ATP6V0D1: variants seen among roughly 807,000 people sequenced by gnomAD.
ATP6V0D1 encodes ATPase H+ transporting V0 subunit d1, also known as V-type proton ATPase subunit d 1.
ATP6V0D1 carries 13 observed loss-of-function variants against 39.0 expected under a neutral mutation model. That is an observed-to-expected ratio of 0.33 (90% confidence interval 0.22 to 0.53). The LOEUF is 0.53. Among genes scored for constraint, ATP6V0D1 ranks in the 20% least tolerant of loss-of-function variants. The pLI, the probability that ATP6V0D1 is intolerant of heterozygous loss-of-function variation, is 0.94. For synonymous variants in ATP6V0D1, 191 were observed against 191.2 expected (o/e 1.00, Z 0.01); for missense variants, 272 against 470.9 (o/e 0.58, Z 3.91).
chr16:67,473,775 G>A (rs1239575341), intron 1 of ATP6V0D1, among the ~76,000 whole-genome samples: 3 of 151,988 alleles, frequency 2.0e-5, no homozygotes, highest in South Asian at 2.1e-4. Context: ...TGCCCACCTC[G>A]GCCTCCCAAA....
At chr16:67,470,308 C>T (rs940931355) in intron 1 of ATP6V0D1, among the ~76,000 whole-genome samples, 5 of 152,136 alleles carry the variant, frequency 3.3e-5, no homozygotes, top group Admixed American at 6.5e-5. Flanking sequence ...ATCCTTCTAC[C>T]AACTTTTTGG....
intron 1 of ATP6V0D1, among the ~76,000 whole-genome samples, chr16:67,473,482 G>A (rs2041391342): frequency 6.6e-6 from 1 of 151,990 alleles, no homozygotes; most frequent in Admixed American, 6.6e-5. Flanking sequence ...CCAGGTAGCT[G>A]AGGTTACAGG....
chr16:67,460,353 G>A lies in ATP6V0D1; in HGVS notation c.131-6638C>T, dbSNP rs147777999. 2.1e-3 allele frequency among the ~76,000 whole-genome samples: 316 copies of A among 152,280 alleles called. 2 individuals are homozygous for A. Among genetic ancestry groups the A allele is most frequent in the Admixed American group, 3.3e-3 (51 of 15,300 alleles). On this transcript the variant is annotated intron_variant, in intron 1 of 7. Coordinates refer to ENST00000290949, the MANE Select transcript of ATP6V0D1 (RefSeq NM_004691.5). ...TGCCCCTCCTCGGTGAATGTGCTGC[G>A]CCTGACCTCCTCCCTAGGCTCAGGA...
At chr16:67,465,824 T>C (rs865820951) in intron 1 of ATP6V0D1, among the ~76,000 whole-genome samples, 3 of 152,172 alleles carry the variant, frequency 2.0e-5, no homozygotes, top group Middle Eastern at 6.8e-3. Flanking sequence ...GAAGGCCAAC[T>C]GAGACTTAAG....
chr16:67,478,760 G>A (rs989943395), intron 1 of ATP6V0D1, among the ~76,000 whole-genome samples: 2 of 152,086 alleles, frequency 1.3e-5, no homozygotes, highest in African/African-American at 2.4e-5. Context: ...AGTGTTATAG[G>A]AAAAATGTGT....
chr16:67,451,423 G>A (rs1052223253), intron 2 of ATP6V0D1, among the ~76,000 whole-genome samples: 4 of 152,318 alleles, frequency 2.6e-5, no homozygotes, highest in East Asian at 1.9e-4. Context: ...TCTGGAACCC[G>A]TGTCCCACAA....
intron 1 of ATP6V0D1, among the ~76,000 whole-genome samples, chr16:67,469,169 G>A (rs187395870): frequency 4.8e-4 from 73 of 152,286 alleles, no homozygotes; most frequent in African/African-American, 1.6e-3. Flanking sequence ...TTAGCCAGGC[G>A]TGGTGGCACA....
intron 2 of ATP6V0D1, chr16:67,452,534 AT>A: frequency 1.3e-6 from 1 of 783,540 alleles, no homozygotes; most frequent in South Asian, 1.5e-5. Flanking sequence ...GGGCACCATA[AT>A]CAAGGAATGG....
rs913499936 is a variant in ATP6V0D1 at position 67,452,540 on chromosome 16, G to A, written c.302+1004C>T. The A allele has an allele frequency of 7.5e-5, 58 of 771,630 alleles. 1 individual carries two copies. In the African/African-American group the frequency reaches 8.9e-4, roughly 12 times the overall value. The allele number at this position is 771,630 out of a possible 1,614,324, so 47.8% of individuals were successfully genotyped here. ...AAAGAGTGGGGGCACCATAATCAAG[G>A]AATGGTAAAAGTTAGACAATACCCA... On this transcript the variant is annotated intron_variant, in intron 2 of 7. Transcript: ENST00000290949.
At chr16:67,477,178 T>C (rs191384176) in intron 1 of ATP6V0D1, among the ~76,000 whole-genome samples, 1 of 151,786 alleles carries the variant, frequency 6.6e-6, no homozygotes, top group Admixed American at 6.6e-5. Flanking sequence ...TTCAACTATA[T>C]GTCAGAGATG....
rs780680599 is a variant in ATP6V0D1 at position 67,453,537 on chromosome 16, C to G, written c.302+7G>C. On this transcript the variant is annotated splice_region_variant and intron_variant, in intron 2 of 7. Transcript: ENST00000290949. The surrounding 1 kb of genome is among the most constrained non-coding windows in gnomAD (Gnocchi z 4.1). ...TAAGAGAAGAAGGCGCTACAAAGCACACTCACGTAATGAAGTCTAGGAAGC... is the reference window on the plus strand; with the variant it reads ...TAAGAGAAGAAGGCGCTACAAAGCAGACTCACGTAATGAAGTCTAGGAAGC... The G allele has an allele frequency of 1.2e-6, 2 of 1,613,952 alleles. No individual in the cohort carries two copies. The highest frequency in any genetic ancestry group is 1.1e-5 in the South Asian group (1 of 91,068).
chr16:67,455,458 T>G (rs1262174297), intron 1 of ATP6V0D1: 2 of 152,176 alleles, frequency 1.3e-5, no homozygotes, highest in African/African-American at 4.8e-5. Flanking sequence ...GGGGGGCTGG[T>G]AGCAGGCCAC....
At chr16:67,452,504 G>T in intron 2 of ATP6V0D1, 1 of 1,073,702 alleles carries the variant, frequency 9.3e-7, no homozygotes. Context: ...AGGTGTGCCA[G>T]GTCCCAAGGA....
intron 1 of ATP6V0D1, chr16:67,454,555 TTTTGTTTG>T (rs373931265): frequency 6.6e-6 from 1 of 151,642 alleles, no homozygotes; most frequent in African/African-American, 2.4e-5. Flanking sequence ...TGTTTTTGTT[TTTTGTTTG>T]TTTGTTTTTT....
chr16:67,459,456 C>T lies in ATP6V0D1; in HGVS notation c.131-5741G>A, dbSNP rs368496534. 7.9e-5 allele frequency among the ~76,000 whole-genome samples: 12 copies of T among 152,326 alleles called. No individual in the cohort carries two copies. In the East Asian group the frequency reaches 1.9e-3, roughly 25 times the overall value. The stretch of plus-strand genomic sequence containing the variant: ...TGGCATGGCTGCCCCTCTCAGGGGT[C>T]GCCAGGCTGCACCAGACTCAGGCTG... On this transcript the variant is annotated intron_variant, in intron 1 of 7. Transcript: ENST00000290949.
At chr16:67,463,849 AGCCAGTGCTGT>A (rs1470174411) in intron 1 of ATP6V0D1, among the ~76,000 whole-genome samples, 1 of 151,244 alleles carries the variant, frequency 6.6e-6, no homozygotes, top group African/African-American at 2.4e-5. Flanking sequence ...TGCCAGAGTG[AGCCAGTGCTGT>A]GGACCTGGGC....
rs1012980573 is a variant in ATP6V0D1, at chr16:67,447,216, C to T, written c.303-2510G>A. Among the ~76,000 whole-genome samples the T allele has an allele frequency of 1.3e-5, 2 of 152,244 alleles. No homozygotes were observed. The highest frequency in any genetic ancestry group is 1.3e-4 in the Admixed American group (2 of 15,294). ...CTCTTCAAACCCAAGCCAGGCCAAT[C>T]GTGGGCGATCCTGTGCCAGGCCCAG... On this transcript the variant is annotated intron_variant, in intron 2 of 7. Coordinates refer to ENST00000290949, the MANE Select transcript of ATP6V0D1 (RefSeq NM_004691.5). This position sits in a 1 kb window ranked among gnomAD's most constrained non-coding sequence, Gnocchi z 4.1.
At position 67,479,917 on chromosome 16, in the gene ATP6V0D1, C is replaced by CTCT. The variant is rs2041450809; in HGVS notation, c.130+1039_130+1040insAGA. Among the ~76,000 whole-genome samples the CTCT allele has an allele frequency of 3.4e-3, 481 of 140,570 alleles. 43 individuals are homozygous for CTCT. Among genetic ancestry groups the CTCT allele is most frequent in the African/African-American group, 8.9e-3 (271 of 30,538 alleles). 92.2% of individuals were successfully genotyped at this position (140,570 alleles called of 152,430 possible). ...AGCTGTGCCTCAGAAGTCAACGCCA[C>CTCT]GGCCGGGCGCGGTGGCTCACGCCTG... is the stretch of plus-strand genomic sequence containing the variant. On this transcript the variant is annotated intron_variant, in intron 1 of 7. Coordinates refer to ENST00000290949, the MANE Select transcript of ATP6V0D1 (RefSeq NM_004691.5).
At chr16:67,443,983 C>T (rs1199072091) in intron 3 of ATP6V0D1, among the ~76,000 whole-genome samples, 1 of 152,232 alleles carries the variant, frequency 6.6e-6, no homozygotes, top group African/African-American at 2.4e-5. Context: ...CAGGAACTAG[C>T]ACTGCCTAAG....
Sources: gnomAD v4.1 joint callset for allele counts (sites outside exome capture counted in the v4.1 genomes callset) on GRCh38, gnomAD v4.1.1 for gene constraint, Gnocchi (gnomAD v3.1) non-coding constraint, MANE v1.5 for transcripts, NCBI Gene and HGNC (gene_info 2026-07-23, HGNC 2026-07-21) for gene names.